Variants in ZNF536 observed in about 807,000 individuals in gnomAD.
ZNF536 encodes the protein zinc finger protein 536.
Under a neutral mutation model 84.5 loss-of-function variants are expected in ZNF536, and 13 were observed. The ratio of observed to expected loss-of-function variants is 0.15; its 90% CI spans 0.10 to 0.24. The LOEUF (loss-of-function observed/expected upper bound fraction) is 0.24. Among genes scored for constraint, ZNF536 ranks in the 10% least tolerant of loss-of-function variants. The pLI is 1.00. For missense variants in ZNF536, 1,536 were observed against 1,747.5 expected (o/e 0.88, Z 2.16); for synonymous variants, 811 against 742.5 (o/e 1.09, Z -1.50).
At chr19:30,335,034 A>G (rs574483895) in intron 2 of ZNF536, among the ~76,000 whole-genome samples, 101 of 152,282 alleles carry the variant, frequency 6.6e-4, no homozygotes, top group African/African-American at 2.3e-3. Flanking sequence ...ACGGACTGTC[A>G]GTGGACTGAG....
At chr19:30,255,577 T>C (rs2024870967) in intron 1 of ZNF536, among the ~76,000 whole-genome samples, 1 of 152,200 alleles carries the variant, frequency 6.6e-6, no homozygotes, top group African/African-American at 2.4e-5. Flanking sequence ...TTAGTGAAAC[T>C]TCTTAAATCT....
chr19:30,309,337 T>A (rs982599122), intron 2 of ZNF536, among the ~76,000 whole-genome samples: 2 of 152,204 alleles, frequency 1.3e-5, no homozygotes, highest in African/African-American at 4.8e-5. Context: ...CGGGGGCCAG[T>A]GTGGACTCGC....
At chr19:30,540,902 C>G (rs1266216557) in intron 3 of ZNF536, among the ~76,000 whole-genome samples, 1 of 152,262 alleles carries the variant, frequency 6.6e-6, no homozygotes, top group East Asian at 1.9e-4. Flanking sequence ...TGACCCCTCC[C>G]TCAGACTGGC....
At chr19:30,403,010 G>A (rs866753652) in intron 1 of ZNF536, among the ~76,000 whole-genome samples, 5 of 151,716 alleles carry the variant, frequency 3.3e-5, no homozygotes, top group South Asian at 2.1e-4. Context: ...TGGTGTTGCC[G>A]TGCCCTGGCC....
At chr19:30,395,383 C>T (rs1390211715) in intron 1 of ZNF536, among the ~76,000 whole-genome samples, 1 of 152,170 alleles carries the variant, frequency 6.6e-6, no homozygotes, top group Non-Finnish European at 1.5e-5. Context: ...TGGGGTGGAC[C>T]AGTTGCAGTT....
chr19:30,552,954 G>A (rs2045837169), intron 4 of ZNF536, among the ~76,000 whole-genome samples: 2 of 152,162 alleles, frequency 1.3e-5, no homozygotes, highest in African/African-American at 4.8e-5. Flanking sequence ...TCCACAGTGG[G>A]TCAGATCCCA....
chr19:30,467,782 G>A (rs571134792), intron 2 of ZNF536, among the ~76,000 whole-genome samples: 15 of 152,234 alleles, frequency 9.9e-5, no homozygotes, highest in Non-Finnish European at 2.2e-4. Flanking sequence ...TTGGCGTCAG[G>A]AATGGGCCTC....
At chr19:30,275,891 TTTC>T (rs1324474702) in intron 1 of ZNF536, among the ~76,000 whole-genome samples, 1 of 152,048 alleles carries the variant, frequency 6.6e-6, no homozygotes, top group Non-Finnish European at 1.5e-5. Context: ...CTGGACTACA[TTTC>T]TTTAGTGGCC....
At chr19:30,314,317 T>C (rs2046607921) in intron 2 of ZNF536, among the ~76,000 whole-genome samples, 1 of 152,090 alleles carries the variant, frequency 6.6e-6, no homozygotes, top group South Asian at 2.1e-4. Context: ...GGCTGTGGTG[T>C]AGACAGGGCT....
intron 2 of ZNF536, among the ~76,000 whole-genome samples, chr19:30,471,708 G>C (rs2053640872): frequency 6.6e-6 from 1 of 152,220 alleles, no homozygotes; most frequent in Non-Finnish European, 1.5e-5. Flanking sequence ...TGTCTGCAGA[G>C]GCCCTGCTGA....
At chr19:30,230,319 T>C (rs2022937053) in intron 1 of ZNF536, among the ~76,000 whole-genome samples, 2 of 152,230 alleles carry the variant, frequency 1.3e-5, no homozygotes, top group Admixed American at 1.3e-4. Flanking sequence ...CACCCTAAAC[T>C]GGGTTTGGGG....
At chr19:30,271,219 C>T (rs570582550) in intron 1 of ZNF536, among the ~76,000 whole-genome samples, 1 of 151,886 alleles carries the variant, frequency 6.6e-6, no homozygotes, top group East Asian at 1.9e-4. Context: ...TCTTTCTGTG[C>T]CCTGTGTTTG....
intron 1 of ZNF536, among the ~76,000 whole-genome samples, chr19:30,278,170 G>A (rs2045307062): frequency 6.6e-6 from 1 of 152,194 alleles, no homozygotes; most frequent in Admixed American, 6.5e-5. Flanking sequence ...ATGCCACGTG[G>A]GGATCACATG....
chr19:30,297,141 C>A (rs73927005), intron 2 of ZNF536, among the ~76,000 whole-genome samples: 2 of 152,256 alleles, frequency 1.3e-5, no homozygotes, highest in Non-Finnish European at 2.9e-5. Context: ...AAGCTCAGTC[C>A]GACTGCAGCC....
chr19:30,563,676 T>A (rs1445095538), intron 1 of ZNF536, among the ~76,000 whole-genome samples: 1 of 152,202 alleles, frequency 6.6e-6, no homozygotes, highest in Non-Finnish European at 1.5e-5. Context: ...AGTTCCCAGT[T>A]TTCTTTCGTG....
intron 4 of ZNF536, among the ~76,000 whole-genome samples, chr19:30,552,877 T>A (rs548298455): frequency 3.2e-4 from 48 of 152,284 alleles, no homozygotes; most frequent in African/African-American, 1.1e-3. Context: ...GTCAGAGACA[T>A]ATTACAATAA....
At chr19:30,701,783 G>T (rs1035125180) in intron 1 of ZNF536, among the ~76,000 whole-genome samples, 1 of 152,240 alleles carries the variant, frequency 6.6e-6, no homozygotes, top group African/African-American at 2.4e-5. Context: ...GACTTTGGAT[G>T]ATCATTTAAT....
intron 2 of ZNF536, among the ~76,000 whole-genome samples, chr19:30,459,655 G>C (rs147936997): frequency 6.6e-6 from 1 of 152,152 alleles, no homozygotes; most frequent in African/African-American, 2.4e-5. Context: ...CTGGCCTGCA[G>C]AGTGACTGTT....
rs567655516 is a variant in ZNF536, at chr19:30,606,947, G to A, written c.169+57433G>A. On this transcript the variant is annotated intron_variant, in intron 1 of 1. Transcript: ENST00000592773. ...TGGAGGCCCCAGCAGGAGAAAGGTG[G>A]AGTGGAGAAGGGAGGGGAAAGGGAG... 2.6e-5 allele frequency among the ~76,000 whole-genome samples: 4 copies of A among 152,250 alleles called. No homozygotes were observed. The South Asian group carries it at 8.3e-4, about 32-fold the overall frequency.
Sources: gnomAD v4.1 joint callset for allele counts (sites outside exome capture counted in the v4.1 genomes callset) on GRCh38, gnomAD v4.1.1 for gene constraint, MANE v1.5 for transcripts, NCBI Gene and HGNC (gene_info 2026-07-23, HGNC 2026-07-21) for gene names.